NAV3: variants seen among roughly 807,000 people sequenced by gnomAD.
NAV3 encodes the protein pore membrane and/or filament interacting like protein 1.
In NAV3, 87 loss-of-function variants were observed where a neutral mutation model predicts 244.7. The ratio of observed to expected loss-of-function variants is 0.36; its 90% CI spans 0.30 to 0.42. NAV3 has a LOEUF of 0.42. Among genes scored for constraint, NAV3 ranks in the 20% least tolerant of loss-of-function variants. The probability of loss-of-function intolerance (pLI) is 1.00; values close to 1 mark genes in which losing one functional copy is unlikely to be tolerated. For synonymous variants in NAV3, 1,126 were observed against 1,042.2 expected, an observed-to-expected ratio of 1.08 and a Z score of -1.55; for missense variants, 2,663 against 2,893.3, an observed-to-expected ratio of 0.92 and a Z score of 1.83.
At chr12:77,677,740 G>A (rs1024093904) in intron 2 of NAV3, among the ~76,000 whole-genome samples, 1 of 152,202 alleles carries the variant, frequency 6.6e-6, no homozygotes, top group African/African-American at 2.4e-5. Flanking sequence ...TGCTGCTGCT[G>A]TTACTACTAC....
intron 5 of NAV3, among the ~76,000 whole-genome samples, chr12:77,973,376 A>T (rs1893167038): frequency 6.6e-6 from 1 of 152,164 alleles, no homozygotes; most frequent in African/African-American, 2.4e-5. Context: ...AAAAAAAAAT[A>T]TATTGGGAAC....
chr12:77,842,410 G>A (rs1292027816), intron 1 of NAV3, among the ~76,000 whole-genome samples: 1 of 151,764 alleles, frequency 6.6e-6, no homozygotes, highest in Non-Finnish European at 1.5e-5. Flanking sequence ...TTCAATACCT[G>A]TTATTAGCAT....
At chr12:77,766,665 T>A (rs1312629784) in intron 2 of NAV3, among the ~76,000 whole-genome samples, 1 of 150,512 alleles carries the variant, frequency 6.6e-6, no homozygotes, top group African/African-American at 2.4e-5. Context: ...AAAATGGTAA[T>A]CTTGACCAAA....
rs2138520574 is a variant in NAV3, at chr12:78,116,886, C to T, written c.2751C>T (p.Pro917=). 6.2e-7 allele frequency: 1 copy of T among 1,612,098 alleles called. No homozygotes were observed. Among genetic ancestry groups the T allele is most frequent in the Non-Finnish European group, 8.5e-7 (1 of 1,178,722 alleles). ...SVSSYSNITV[P]SRKNTQLRTD... ...GCTCTTACTCCAACATCACCGTCCC[C>T]TCTAGGAAGAATACTCAGGTGAGAA... is the stretch of plus-strand genomic sequence containing the variant. Residue 917 remains proline (P), a synonymous_variant, in exon 13 of 40, where the codon CCC becomes CCT. Transcript: ENST00000397909.
At chr12:77,886,860 A>G (rs1057443384) in intron 1 of NAV3, among the ~76,000 whole-genome samples, 10 of 152,136 alleles carry the variant, frequency 6.6e-5, no homozygotes, top group African/African-American at 1.2e-4. Flanking sequence ...TTTAATCATC[A>G]TAGTCAACTT....
chr12:77,711,030 T>G (rs748089389), intron 2 of NAV3, among the ~76,000 whole-genome samples: 13 of 152,212 alleles, frequency 8.5e-5, no homozygotes, highest in Non-Finnish European at 1.6e-4. Flanking sequence ...AAAACACTCT[T>G]TAAGTATTAT....
At chr12:77,672,456 A>C (rs751078876) in intron 2 of NAV3, among the ~76,000 whole-genome samples, 1 of 152,178 alleles carries the variant, frequency 6.6e-6, no homozygotes, top group Non-Finnish European at 1.5e-5. Context: ...ACGCATGCTT[A>C]CAGCAGCACA....
intron 2 of NAV3, among the ~76,000 whole-genome samples, chr12:77,771,044 A>G (rs937770537): frequency 6.6e-6 from 1 of 152,214 alleles, no homozygotes; most frequent in African/African-American, 2.4e-5. Context: ...CAGAATCTAC[A>G]ATGAACTGAA....
At chr12:78,012,829 G>A (rs117835235) in intron 8 of NAV3, among the ~76,000 whole-genome samples, 1 of 152,166 alleles carries the variant, frequency 6.6e-6, no homozygotes, top group Non-Finnish European at 1.5e-5. Context: ...ATTAACTAGT[G>A]TGATTTCAGC....
intron 2 of NAV3, among the ~76,000 whole-genome samples, chr12:77,662,964 GC>G (rs1873533257): frequency 6.6e-6 from 1 of 151,996 alleles, no homozygotes; most frequent in Non-Finnish European, 1.5e-5. Context: ...TTACTGTCAG[GC>G]TTTGATTTCA....
chr12:77,572,453 C>G (rs1023450621), intron 2 of NAV3, among the ~76,000 whole-genome samples: 7 of 152,040 alleles, frequency 4.6e-5, no homozygotes, highest in Admixed American at 6.6e-5. Flanking sequence ...TTCTAAAATC[C>G]TCTGAATTTA....
intron 5 of NAV3, among the ~76,000 whole-genome samples, chr12:77,980,509 G>A (rs1869377602): frequency 6.6e-6 from 1 of 152,108 alleles, no homozygotes; most frequent in Admixed American, 6.5e-5. Context: ...TAAGTATTTA[G>A]AAGTATTAAA....
Position 77,617,563 on chromosome 12 carries a change from G to A in NAV3, c.72+45297G>A, listed in dbSNP as rs568999175. ...AGTAACATACCAATATACTAAGACA[G>A]CAGGGTTTGCAGCAGAGAAGCAGTC... On this transcript the variant is annotated intron_variant, in intron 2 of 8. Transcript: ENST00000550042. Among the ~76,000 whole-genome samples the A allele has an allele frequency of 2.6e-5, 4 of 152,284 alleles. No homozygotes were observed. The South Asian group carries it at 6.2e-4, about 24-fold the overall frequency.
At chr12:78,096,947 A>ACTC (rs1954285215) in intron 12 of NAV3, among the ~76,000 whole-genome samples, 1 of 151,884 alleles carries the variant, frequency 6.6e-6, no homozygotes, top group South Asian at 2.1e-4. Context: ...GCATGCACTC[A>ACTC]CTCTAGTTTG....
chr12:78,137,915 T>C (rs563116444), intron 19 of NAV3, among the ~76,000 whole-genome samples: 2 of 152,332 alleles, frequency 1.3e-5, no homozygotes, highest in African/African-American at 4.8e-5. Flanking sequence ...TATATAGTTC[T>C]ATGTAAATAC....
intron 13 of NAV3, among the ~76,000 whole-genome samples, chr12:78,117,154 G>A (rs1227624889): frequency 1.1e-4 from 3 of 27,094 alleles, no homozygotes; most frequent in Admixed American, 1.5e-3. Context: ...ATAAACAGAA[G>A]CAGCATATAT....
At chr12:77,755,947 T>C (rs1425373329) in intron 2 of NAV3, among the ~76,000 whole-genome samples, 1 of 152,080 alleles carries the variant, frequency 6.6e-6, no homozygotes, top group Non-Finnish European at 1.5e-5. Context: ...AAATATCTTA[T>C]TGTCCTGTAG....
Position 77,706,042 on chromosome 12 carries a change from G to T in NAV3, c.72+133776G>T, listed in dbSNP as rs183873357. On this transcript the variant is annotated intron_variant, in intron 2 of 8. Transcript: ENST00000550042. ...GATCATATAGTCCATGATATCTAAA[G>T]TTGAGGAAATACAGTTCTTTTGTAA... Among the ~76,000 whole-genome samples, 728 of 151,394 alleles carry T rather than the reference G, an allele frequency of 4.8e-3. 7 individuals are homozygous for T. Among genetic ancestry groups the T allele is most frequent in the Non-Finnish European group, 6.7e-3 (458 of 67,932 alleles).
chr12:77,792,583 A>C (rs1035966552), intron 2 of NAV3, among the ~76,000 whole-genome samples: 1 of 152,170 alleles, frequency 6.6e-6, no homozygotes, highest in Non-Finnish European at 1.5e-5. Flanking sequence ...TACCACGAGA[A>C]GTCTGTTTCT....
Sources: allele counts gnomAD v4.1 joint callset (sites outside exome capture counted in the v4.1 genomes callset), GRCh38; gene constraint gnomAD v4.1.1; transcripts MANE v1.5; gene names NCBI Gene and HGNC (gene_info 2026-07-23, HGNC 2026-07-21).